GADL1: variants seen among roughly 807,000 people sequenced by gnomAD.
GADL1 encodes GAD like acidic amino acid decarboxylase 1.
Under a neutral mutation model 69.5 loss-of-function variants are expected in GADL1, and 71 were observed. The ratio of observed to expected loss-of-function variants is 1.02; its 90% CI spans 0.84 to 1.25. The LOEUF is 1.25. Among genes scored for constraint, GADL1 ranks in the 50% most tolerant of loss-of-function variants. The pLI is 0.00. For synonymous variants in GADL1, 254 were observed against 214.4 expected (o/e 1.18, Z -1.62); for missense variants, 737 against 631.8 (o/e 1.17, Z -1.79).
intron 14 of GADL1, among the ~76,000 whole-genome samples, chr3:30,746,281 C>T (rs1695702151): frequency 6.6e-6 from 1 of 152,178 alleles, no homozygotes; most frequent in Non-Finnish European, 1.5e-5. Flanking sequence ...GCATGAGCCA[C>T]TGCACCCAGC....
chr3:30,808,318 G>A (rs1189490433), intron 11 of GADL1, among the ~76,000 whole-genome samples: 1 of 152,024 alleles, frequency 6.6e-6, no homozygotes, highest in African/African-American at 2.4e-5. Context: ...CAACATGGTT[G>A]AAACCCCATC....
At chr3:30,753,482 A>G (rs906962142) in intron 14 of GADL1, among the ~76,000 whole-genome samples, 1 of 147,186 alleles carries the variant, frequency 6.8e-6, no homozygotes, top group Non-Finnish European at 1.5e-5. Context: ...TCAATCCTAA[A>G]AAACCAAATT....
At chr3:30,741,539 A>G (rs1023603537) in intron 14 of GADL1, among the ~76,000 whole-genome samples, 7 of 151,958 alleles carry the variant, frequency 4.6e-5, no homozygotes, top group African/African-American at 1.5e-4. Flanking sequence ...TATTTATATA[A>G]TTCTATAATA....
At chr3:30,787,540 C>A (rs536116602) in intron 12 of GADL1, among the ~76,000 whole-genome samples, 4 of 152,078 alleles carry the variant, frequency 2.6e-5, no homozygotes, top group African/African-American at 9.7e-5. Context: ...ATAATAGAGA[C>A]GCTGACAGAA....
At chr3:30,829,181 C>T (rs28430565) in intron 11 of GADL1, among the ~76,000 whole-genome samples, 55,101 of 151,666 alleles carry the variant, frequency 0.36, 13,809 homozygotes, top group African/African-American at 0.67. Flanking sequence ...TATTTATAAT[C>T]ACAGGTTTTT....
intron 14 of GADL1, among the ~76,000 whole-genome samples, chr3:30,775,141 AAT>A (rs1273084461): frequency 6.6e-6 from 1 of 152,202 alleles, no homozygotes; most frequent in Non-Finnish European, 1.5e-5. Context: ...TGTGTTCTCA[AAT>A]AGTCTCACGT....
intron 1 of GADL1, among the ~76,000 whole-genome samples, chr3:30,875,158 C>G (rs1209631311): frequency 6.6e-6 from 1 of 150,856 alleles, no homozygotes; most frequent in Non-Finnish European, 1.5e-5. Flanking sequence ...AATATCACTT[C>G]TGCTGTCTAG....
chr3:30,862,181 G>C (rs1168316360), intron 1 of GADL1, among the ~76,000 whole-genome samples: 1 of 151,902 alleles, frequency 6.6e-6, no homozygotes, highest in African/African-American at 2.4e-5. Flanking sequence ...ACTGCCCCTA[G>C]GAGAGAGTAA....
At chr3:30,735,831 G>A (rs1453378688) in intron 14 of GADL1, among the ~76,000 whole-genome samples, 2 of 152,100 alleles carry the variant, frequency 1.3e-5, no homozygotes, top group Non-Finnish European at 2.9e-5. Flanking sequence ...GGGCTGAGTG[G>A]AATAATGGGA....
intron 11 of GADL1, among the ~76,000 whole-genome samples, chr3:30,805,416 G>GC (rs1405888411): frequency 4.6e-5 from 7 of 151,996 alleles, no homozygotes; most frequent in African/African-American, 1.7e-4. Context: ...AGAACACTGA[G>GC]CTAGAGGTCA....
At chr3:30,755,633 G>A (rs1875688) in intron 14 of GADL1, among the ~76,000 whole-genome samples, 19,765 of 152,098 alleles carry the variant, frequency 0.13, 1,588 homozygotes, top group East Asian at 0.33. Context: ...GCCTAATAGC[G>A]GTAGTGTTTA....
chr3:30,755,198 T>A (rs910617853), intron 14 of GADL1, among the ~76,000 whole-genome samples: 2 of 152,164 alleles, frequency 1.3e-5, no homozygotes, highest in African/African-American at 2.4e-5. Flanking sequence ...CTGTAAATCA[T>A]ATCATTTATA....
intron 13 of GADL1, among the ~76,000 whole-genome samples, chr3:30,784,385 A>G (rs1696743278): frequency 7.0e-6 from 1 of 143,296 alleles, no homozygotes. Context: ...GCCTGTTGAA[A>G]GAAACCAGGT....
Position 30,861,622 on chromosome 3 carries a change from C to A in GADL1, c.181G>T (p.Val61Phe). 3 of 1,549,160 alleles carry A rather than the reference C, an allele frequency of 1.9e-6. No individual in the cohort carries two copies. In the East Asian group the frequency reaches 7.3e-5, roughly 38 times the overall value. Residue 61 changes from valine to phenylalanine, a missense_variant, in exon 2 of 15, where the codon GTT becomes TTT. Coordinates refer to ENST00000282538, the MANE Select transcript of GADL1 (RefSeq NM_207359.3). ...TCATTGACATCTGTAGCTTTCAAAA[C>A]CACCTCTTCCATTATTAGCCTACAG... ...EACRLIMEEV[V>F]LKATDVNEKV...
intron 2 of GADL1, among the ~76,000 whole-genome samples, chr3:30,860,676 T>C (rs182081701): frequency 1.3e-5 from 2 of 152,116 alleles, no homozygotes; most frequent in African/African-American, 4.8e-5. Flanking sequence ...TTCTAACTAA[T>C]ATAACTGGAA....
chr3:30,739,891 C>T lies in GADL1; in HGVS notation c.1393-11476G>A, dbSNP rs573115474. 3.3e-5 allele frequency among the ~76,000 whole-genome samples: 5 copies of T among 152,162 alleles called. No homozygotes were observed. The South Asian group carries it at 6.2e-4, about 19-fold the overall frequency. On this transcript the variant is annotated intron_variant, in intron 14 of 14. Transcript: ENST00000282538. Reference sequence around the variant, plus strand: ...CATTAATGCTGTAAATATTAACCAACGGTTTTTAAAAGCAATCCAGACCAT... The same window carrying T: ...CATTAATGCTGTAAATATTAACCAATGGTTTTTAAAAGCAATCCAGACCAT...
At chr3:30,832,267 C>T (rs1697804640) in intron 11 of GADL1, among the ~76,000 whole-genome samples, 1 of 151,224 alleles carries the variant, frequency 6.6e-6, no homozygotes, top group South Asian at 2.1e-4. Flanking sequence ...ATAGAATTCC[C>T]CTAACCTCTT....
chr3:30,873,545 A>C (rs939836313), intron 1 of GADL1, among the ~76,000 whole-genome samples: 1 of 151,772 alleles, frequency 6.6e-6, no homozygotes, highest in Non-Finnish European at 1.5e-5. Flanking sequence ...ACACTAAACT[A>C]TTTGGATACA....
In GADL1 at chr3:30,727,403, T is replaced by C. The variant is rs1011889800; in HGVS notation, c.*839A>G. 6.9e-6 allele frequency: 1 copy of C among 145,640 alleles called. No individual in the cohort carries two copies. Among genetic ancestry groups the C allele is most frequent in the African/African-American group, 2.6e-5 (1 of 37,884 alleles). The allele number at this position is 145,640 out of a possible 1,614,324, so 9.0% of individuals were successfully genotyped here. A position where few individuals can be genotyped will look rare whatever the true frequency, so the allele number is the denominator to read the frequency against. On this transcript the variant is annotated 3_prime_UTR_variant, in exon 15 of 15. Coordinates refer to ENST00000282538, the MANE Select transcript of GADL1 (RefSeq NM_207359.3). ...ATTATTGTGCTTTGAATTATATATA[T>C]ATATATATGTGTGTGTGTGTATATA...
Sources: gnomAD v4.1 joint callset for allele counts (sites outside exome capture counted in the v4.1 genomes callset) on GRCh38, gnomAD v4.1.1 for gene constraint, MANE v1.5 for transcripts, NCBI Gene and HGNC (gene_info 2026-07-23, HGNC 2026-07-21) for gene names.